Variants in MACF1 observed in about 807,000 individuals in gnomAD.
MACF1 encodes the protein microtubule-actin cross-linking factor 1.
A neutral mutation model predicts 854.8 loss-of-function variants in MACF1; 193 were observed. The ratio of observed to expected loss-of-function variants is 0.23; its 90% CI spans 0.20 to 0.25. MACF1 has a LOEUF of 0.25. Among genes scored for constraint, MACF1 ranks in the 10% least tolerant of loss-of-function variants. The pLI, the probability that MACF1 is intolerant of heterozygous loss-of-function variation, is 1.00. For synonymous variants in MACF1, 3,185 were observed against 3,226.7 expected (o/e 0.99, Z 0.44); for missense variants, 7,722 against 8,929.1 (o/e 0.86, Z 5.45).
At chr1:39,276,664 T>C (rs1403282921) in intron 6 of MACF1, among the ~76,000 whole-genome samples, 2 of 152,202 alleles carry the variant, frequency 1.3e-5, no homozygotes, top group African/African-American at 4.8e-5. Flanking sequence ...CACAGTAATT[T>C]TCCATTCTGC....
chr1:39,112,103 T>C (rs1010427302), intron 2 of MACF1, among the ~76,000 whole-genome samples: 11 of 151,418 alleles, frequency 7.3e-5, no homozygotes, highest in Admixed American at 6.6e-4. Context: ...TTTTTTTTTT[T>C]TGAAACAGAG....
At chr1:39,219,689 G>T (rs1644625322) in intron 1 of MACF1, among the ~76,000 whole-genome samples, 1 of 152,198 alleles carries the variant, frequency 6.6e-6, no homozygotes, top group Non-Finnish European at 1.5e-5. Context: ...ATGTGGCAAG[G>T]AGAATTTAGG....
chr1:39,434,715 A>T, intron 69 of MACF1, 83 bp downstream of exon 69: 1 of 1,169,610 alleles, frequency 8.5e-7, no homozygotes. Flanking sequence ...TAGTGTCTAT[A>T]GGTGCAAGTT....
chr1:39,213,961 C>G (rs1644546612), intron 1 of MACF1, among the ~76,000 whole-genome samples: 1 of 152,160 alleles, frequency 6.6e-6, no homozygotes, highest in African/African-American at 2.4e-5. Flanking sequence ...GTGAAGTTGT[C>G]AAGCAACTGA....
In MACF1 at chr1:39,441,241, G is replaced by T; in HGVS notation, c.18588G>T (p.Glu6196Asp). 1 of 1,614,062 alleles carries T rather than the reference G, an allele frequency of 6.2e-7. No homozygotes were observed. ...KSIDEMNNAW[E>D]NLNKTWKERL... The stretch of plus-strand genomic sequence containing the variant: ...TCCCCTAGATGAATAATGCTTGGGA[G>T]AACTTAAACAAAACATGGAAAGAGA... Residue 6196 changes from glutamate to aspartate, a missense_variant, in exon 74 of 101, where the codon GAG becomes GAT. By Grantham distance (45) the Glu-to-Asp change is conservative. Coordinates refer to ENST00000564288, the MANE Select transcript of MACF1 (RefSeq NM_001394062.1).
chr1:39,455,169 GTA>G, intron 89 of MACF1, 72 bp downstream of exon 89: 1 of 1,465,396 alleles, frequency 6.8e-7, no homozygotes, highest in Non-Finnish European at 9.4e-7. Context: ...GTTGCCCTGT[GTA>G]TATGTTTTTA....
chr1:39,282,243 T>C lies in MACF1; in HGVS notation c.564T>C (p.Asp188=). 1 of 1,614,024 alleles carries C rather than the reference T, an allele frequency of 6.2e-7. No individual in the cohort carries two copies. Among genetic ancestry groups the C allele is most frequent in the Non-Finnish European group, 8.5e-7 (1 of 1,179,932 alleles). The change falls in exon 7 of 101, where the codon GAT becomes GAC. Residue 188 remains aspartate, a synonymous_variant. Transcript: ENST00000564288. The part of the protein sequence containing the change: ...SDIYISGESG[D]MSAKEKLLLW... ...TCTACATTAGTGGAGAATCAGGGGA[T>C]ATGTCAGCCAAGGAGAAACTACTCC...
rs779716834 is a variant in MACF1 at position 39,372,558 on chromosome 1, T to A, written c.13175T>A (p.Ile4392Asn). 1 of 1,613,706 alleles carries A rather than the reference T, an allele frequency of 6.2e-7. No individual in the cohort carries two copies. Among genetic ancestry groups the A allele is most frequent in the Non-Finnish European group, 8.5e-7 (1 of 1,179,680 alleles). ...AAAGGTACTTCTTTAGAAAATCTCA[T>A]CATGGAAATCACAGCACCTGATTCC... ...NCKGTSLENLIMEITAPDSQG... is the reference protein window; with the variant it reads ...NCKGTSLENLNMEITAPDSQG... Residue 4392 changes from isoleucine (I) to asparagine (N), a missense_variant, in exon 52 of 101, where the codon ATC becomes AAC. This residue lies in a region of MACF1 where 2,807 missense variants were observed against 3,235.8 expected (regional missense o/e 0.87). Coordinates refer to ENST00000564288, the MANE Select transcript of MACF1 (RefSeq NM_001394062.1).
chr1:39,297,551 C>A, intron 20 of MACF1, 69 bp from the exon 21 acceptor site: 1 of 1,589,160 alleles, frequency 6.3e-7, no homozygotes, highest in South Asian at 1.1e-5. Flanking sequence ...TAAAATTGTT[C>A]TTTCTTAGTT....
chr1:39,377,722 G>A (rs1411166204), intron 52 of MACF1, among the ~76,000 whole-genome samples: 1 of 152,118 alleles, frequency 6.6e-6, no homozygotes, highest in African/African-American at 2.4e-5. Context: ...CTGCTTTTTA[G>A]GCCAGGCACG....
At chr1:39,299,066 G>A (rs1645984793) in intron 21 of MACF1, among the ~76,000 whole-genome samples, 1 of 151,952 alleles carries the variant, frequency 6.6e-6, no homozygotes, top group South Asian at 2.1e-4. Context: ...CTGAGCACTT[G>A]GTCTCTGGAG....
intron 2 of MACF1, among the ~76,000 whole-genome samples, chr1:39,140,310 C>G (rs1212194415): frequency 6.6e-6 from 1 of 152,174 alleles, no homozygotes; most frequent in South Asian, 2.1e-4. Flanking sequence ...ACAGTGCTAT[C>G]TTACGATTCT....
intron 70 of MACF1, among the ~76,000 whole-genome samples, chr1:39,436,171 A>C (rs1348001864): frequency 6.6e-6 from 1 of 152,208 alleles, no homozygotes; most frequent in Non-Finnish European, 1.5e-5. Flanking sequence ...TCATAGTTTA[A>C]GATGCTTGAG....
chr1:39,193,022 G>C (rs368783456), intron 2 of MACF1, among the ~76,000 whole-genome samples: 137 of 152,196 alleles, frequency 9.0e-4, no homozygotes, highest in African/African-American at 3.3e-3. Context: ...TGAGGCAGGA[G>C]AATTGCTTAA....
At chr1:39,255,969 G>A (rs1321909455) in intron 5 of MACF1, among the ~76,000 whole-genome samples, 1 of 152,200 alleles carries the variant, frequency 6.6e-6, no homozygotes, top group Non-Finnish European at 1.5e-5. Flanking sequence ...TCAAAGAAGG[G>A]CAGGGAGATT....
At position 39,422,825 on chromosome 1, in the gene MACF1, C is replaced by G. The variant is rs769079235; in HGVS notation, c.16074C>G (p.Thr5358=). Reference sequence around the variant, plus strand: ...CATTGCTCAGCTGGTTGGCAGATACCGAGGAGCTCATAGCCAATCAGAAAC... The same window carrying G: ...CATTGCTCAGCTGGTTGGCAGATACGGAGGAGCTCATAGCCAATCAGAAAC... ...LEPLLSWLAD[T]EELIANQKPP... The change falls in exon 60 of 101, where the codon ACC becomes ACG. Residue 5358 remains threonine (T), a synonymous_variant. Coordinates refer to ENST00000564288, the MANE Select transcript of MACF1 (RefSeq NM_001394062.1). 2 of 1,614,098 alleles carry G rather than the reference C, an allele frequency of 1.2e-6. No homozygotes were observed. The highest frequency in any genetic ancestry group is 8.5e-7 in the Non-Finnish European group (1 of 1,180,014).
Position 39,353,156 on chromosome 1 carries a change from C to T in MACF1, c.11349C>T (p.Ala3783=). 1 of 1,614,068 alleles carries T rather than the reference C, an allele frequency of 6.2e-7. No homozygotes were observed. Among genetic ancestry groups the T allele is most frequent in the Non-Finnish European group, 8.5e-7 (1 of 1,179,950 alleles). The part of the protein sequence containing the change: ...QLSGASLEKG[A]LDTTDGYMGV... Reference sequence around the variant, plus strand: ...CGGGAGCTAGCTTGGAGAAAGGAGCCTTGGACACCACTGATGGTTACATGG... The same window carrying T: ...CGGGAGCTAGCTTGGAGAAAGGAGCTTTGGACACCACTGATGGTTACATGG... Residue 3783 remains alanine (A), a synonymous_variant, in exon 44 of 101, where the codon GCC becomes GCT. Coordinates refer to ENST00000564288, the MANE Select transcript of MACF1 (RefSeq NM_001394062.1).
chr1:39,147,318 C>G (rs1255636978), intron 2 of MACF1, among the ~76,000 whole-genome samples: 2 of 129,580 alleles, frequency 1.5e-5, no homozygotes, highest in Non-Finnish European at 3.2e-5. Flanking sequence ...CTCTTTTTTC[C>G]TTCCTTCCTT....
chr1:39,434,339 T>C (rs540257914), intron 68 of MACF1, 75 bp from the exon 69 acceptor site: 12 of 759,698 alleles, frequency 1.6e-5, no homozygotes, highest in Non-Finnish European at 2.2e-5. Context: ...TTTTAATGTA[T>C]ATATACCTAC....
Sources: allele counts gnomAD v4.1 joint callset (sites outside exome capture counted in the v4.1 genomes callset), GRCh38; gene constraint gnomAD v4.1.1; regional missense constraint gnomAD v4.1.1; transcripts MANE v1.5; gene names NCBI Gene and HGNC (gene_info 2026-07-23, HGNC 2026-07-21).